NBEA: variants seen among roughly 807,000 people sequenced by gnomAD.
NBEA encodes lysosomal-trafficking regulator 2.
In NBEA, 44 loss-of-function variants were observed where a neutral mutation model predicts 343.4. The observed-to-expected ratio is 0.13, with a 90% CI of 0.10 to 0.16. NBEA has a LOEUF of 0.16. Ranked by LOEUF, NBEA falls within the 10% of genes least tolerant of loss-of-function variation. The pLI is 1.00. For missense variants in NBEA, 2,555 were observed against 3,631.3 expected (o/e 0.70, Z 7.62); for synonymous variants, 1,175 against 1,238.7 (o/e 0.95, Z 1.08).
intron 39 of NBEA, among the ~76,000 whole-genome samples, chr13:35,438,655 G>A (rs952908418): frequency 6.6e-6 from 1 of 152,156 alleles, no homozygotes; most frequent in Non-Finnish European, 1.5e-5. Flanking sequence ...TCTGGTTATG[G>A]TTTAAATAAT....
At chr13:35,203,377 T>G (rs1345516124) in intron 31 of NBEA, among the ~76,000 whole-genome samples, 1 of 152,162 alleles carries the variant, frequency 6.6e-6, no homozygotes, top group African/African-American at 2.4e-5. Context: ...CCCCCTTCAG[T>G]GTTCTCTCAA....
At chr13:35,420,330 T>C (rs2044191162) in intron 38 of NBEA, among the ~76,000 whole-genome samples, 1 of 152,050 alleles carries the variant, frequency 6.6e-6, no homozygotes, top group African/African-American at 2.4e-5. Context: ...TCTAAAATTG[T>C]GAATCGTTGC....
intron 24 of NBEA, among the ~76,000 whole-genome samples, chr13:35,166,230 G>T (rs946376224): frequency 6.6e-6 from 1 of 152,006 alleles, no homozygotes; most frequent in Non-Finnish European, 1.5e-5. Context: ...ATTTGTATAG[G>T]TTTAAAATAT....
chr13:35,308,458 A>ATATATATATATATATATATATATG (rs1566596919), intron 35 of NBEA, among the ~76,000 whole-genome samples: 3 of 118,438 alleles, frequency 2.5e-5, no homozygotes, highest in African/African-American at 1.2e-4. Context: ...ATATATATAT[A>ATATATATATATATATATATATATG]TATATATATA....
intron 13 of NBEA, among the ~76,000 whole-genome samples, chr13:35,114,529 C>T (rs188590288): frequency 6.6e-6 from 1 of 152,190 alleles, no homozygotes; most frequent in Non-Finnish European, 1.5e-5. Flanking sequence ...TTTGGCACTG[C>T]CACCCTCCTG....
intron 10 of NBEA, among the ~76,000 whole-genome samples, chr13:35,082,603 C>A (rs147599783): frequency 3.3e-5 from 5 of 152,008 alleles, no homozygotes; most frequent in African/African-American, 1.2e-4. Context: ...TTTTAATGAT[C>A]GCCATTCTAA....
chr13:35,131,763 T>C (rs1310234382), intron 17 of NBEA, among the ~76,000 whole-genome samples: 1 of 152,230 alleles, frequency 6.6e-6, no homozygotes, highest in Admixed American at 6.5e-5. Flanking sequence ...AAAGGTATTA[T>C]GAGTTGGGGT....
chr13:35,557,838 G>GA (rs904263227), intron 44 of NBEA, among the ~76,000 whole-genome samples: 2 of 151,902 alleles, frequency 1.3e-5, no homozygotes, highest in Middle Eastern at 3.2e-3. Flanking sequence ...TGTTTGGGGA[G>GA]AAAAAAAGAG....
intron 49 of NBEA, among the ~76,000 whole-genome samples, chr13:35,636,620 A>G (rs1357711118): frequency 6.6e-6 from 1 of 152,030 alleles, no homozygotes; most frequent in Non-Finnish European, 1.5e-5. Flanking sequence ...CTCCCCCTCA[A>G]CTTGTTTTCC....
chr13:35,031,802 C>A (rs1163757184), intron 1 of NBEA, among the ~76,000 whole-genome samples: 1 of 151,650 alleles, frequency 6.6e-6, no homozygotes, highest in Non-Finnish European at 1.5e-5. Context: ...CTCCTCCCAC[C>A]CTCCACCTTC....
intron 6 of NBEA, among the ~76,000 whole-genome samples, chr13:35,054,697 G>T (rs1425838457): frequency 7.0e-6 from 1 of 142,548 alleles, no homozygotes; most frequent in African/African-American, 2.6e-5. Flanking sequence ...AGGCTGGAGT[G>T]CAGTGGTGTG....
intron 1 of NBEA, 41 bp downstream of exon 1, chr13:34,943,155 C>T (rs145067515): frequency 1.4e-5 from 23 of 1,605,204 alleles, no homozygotes; most frequent in East Asian, 2.3e-5. Flanking sequence ...CCCCAGTCCC[C>T]ACATACACCG....
At chr13:35,182,890 C>T (rs765502171) in intron 29 of NBEA, among the ~76,000 whole-genome samples, 7 of 151,684 alleles carry the variant, frequency 4.6e-5, no homozygotes, top group Non-Finnish European at 8.8e-5. Context: ...TGTTCAATGC[C>T]AAGGGTAAGC....
At chr13:35,396,087 G>T (rs1429588319) in intron 38 of NBEA, among the ~76,000 whole-genome samples, 1 of 152,006 alleles carries the variant, frequency 6.6e-6, no homozygotes, top group Non-Finnish European at 1.5e-5. Context: ...TTGAGACAGG[G>T]TCTTGCTATG....
intron 34 of NBEA, among the ~76,000 whole-genome samples, chr13:35,274,293 G>T (rs1302899515): frequency 6.6e-6 from 1 of 152,144 alleles, no homozygotes; most frequent in African/African-American, 2.4e-5. Flanking sequence ...TGCAGAAAAG[G>T]CCGTTAACAA....
intron 47 of NBEA, among the ~76,000 whole-genome samples, chr13:35,598,540 A>G (rs1289535341): frequency 6.6e-6 from 1 of 152,214 alleles, no homozygotes; most frequent in Non-Finnish European, 1.5e-5. Flanking sequence ...TCATATTCCC[A>G]AGTTGGTACA....
chr13:35,017,638 T>C (rs1392649318), intron 1 of NBEA, among the ~76,000 whole-genome samples: 2 of 152,190 alleles, frequency 1.3e-5, no homozygotes, highest in Non-Finnish European at 2.9e-5. Flanking sequence ...AGATCATTTG[T>C]CAATTTAAAA....
intron 35 of NBEA, among the ~76,000 whole-genome samples, chr13:35,300,646 T>C (rs1435313097): frequency 6.6e-6 from 1 of 152,170 alleles, no homozygotes; most frequent in Non-Finnish European, 1.5e-5. Context: ...TCTTAGACCT[T>C]ACTCCTATGG....
intron 38 of NBEA, among the ~76,000 whole-genome samples, chr13:35,417,080 A>T (rs1052835938): frequency 2.0e-5 from 3 of 152,016 alleles, no homozygotes; most frequent in Non-Finnish European, 4.4e-5. Context: ...AACGGTGGTG[A>T]TGTCCCCTTT....
Sources: gnomAD v4.1 joint callset for allele counts (sites outside exome capture counted in the v4.1 genomes callset) on GRCh38, gnomAD v4.1.1 for gene constraint, MANE v1.5 for transcripts, NCBI Gene and HGNC (gene_info 2026-07-23, HGNC 2026-07-21) for gene names.